PCDH15: variants seen among roughly 807,000 people sequenced by gnomAD.
The protein encoded by PCDH15 is protocadherin-15.
A neutral mutation model predicts 178.5 loss-of-function variants in PCDH15; 129 were observed. The observed-to-expected ratio is 0.72, with a 90% confidence interval of 0.63 to 0.84. The LOEUF (loss-of-function observed/expected upper bound fraction) is 0.84, where lower values mean the gene tolerates loss of function less well. Among genes scored for constraint, PCDH15 ranks in the 40% least tolerant of loss-of-function variants. The pLI is 0.00. For missense variants in PCDH15, 2,230 were observed against 2,099.9 expected (o/e 1.06, Z -1.21); for synonymous variants, 800 against 732.0 (o/e 1.09, Z -1.50).
chr10:53,995,732 G>A lies in PCDH15; in HGVS notation c.2785C>T (p.Arg929Ter), dbSNP rs1057516342. 10 of 1,613,582 alleles carry A rather than the reference G, an allele frequency of 6.2e-6. No homozygotes were observed. Among genetic ancestry groups the A allele is most frequent in the East Asian group, 2.2e-5 (1 of 44,858 alleles). Residue 929 changes from arginine to a stop codon, truncating the protein, a stop_gained, in exon 21 of 38, where the codon CGA (arginine) becomes TGA (stop). Coordinates refer to ENST00000644397, the MANE Select transcript of PCDH15 (RefSeq NM_001384140.1). LOFTEE classifies it high-confidence loss of function. The stretch of plus-strand genomic sequence containing the variant: ...GGAGCCACCATCCCTTTGTATATTC[G>A]TTTACTAAAGACAGGAGGATAATCA... ...MNDYPPVFSK[R>*]IYKGMVAPDA...
chr10:54,206,553 A>G (rs975714), intron 10 of PCDH15, among the ~76,000 whole-genome samples: 136,801 of 152,156 alleles, frequency 0.9, 61,665 homozygotes, highest in East Asian at 0.98. Flanking sequence ...TTTTTTGTCA[A>G]CCAAGAGAAA....
intron 3 of PCDH15, among the ~76,000 whole-genome samples, chr10:54,427,221 T>A (rs1197735812): frequency 6.6e-6 from 1 of 151,088 alleles, no homozygotes; most frequent in Non-Finnish European, 1.5e-5. Flanking sequence ...TTATCTTATT[T>A]CTCCTTATTT....
Position 54,950,494 on chromosome 10 carries a change from C to T in PCDH15, c.-79-52994G>A, listed in dbSNP as rs151288319. Among the ~76,000 whole-genome samples, 570 of 152,116 alleles carry T rather than the reference C, an allele frequency of 3.7e-3. 4 individuals are homozygous for T. The highest frequency in any genetic ancestry group is 6.4e-3 in the Non-Finnish European group (436 of 67,952). Reference sequence around the variant, plus strand: ...CTCTCACTTTGCCTGCTGCCATCCACGTAAGATGTAACTTGCTCCTCCTTT... The same window carrying T: ...CTCTCACTTTGCCTGCTGCCATCCATGTAAGATGTAACTTGCTCCTCCTTT... On this transcript the variant is annotated intron_variant, in intron 2 of 5. Transcript: ENST00000458638.
Position 55,005,226 on chromosome 10 carries a change from A to AATAATAATAATAATAATAATC in PCDH15, c.-79-107727_-79-107726insGATTATTATTATTATTATTAT, listed in dbSNP as rs34847205. On this transcript the variant is annotated intron_variant, in intron 2 of 5. Coordinates refer to the PCDH15 transcript ENST00000458638. ...GTCTCTAAATAATAATAATAATAAT[A>AATAATAATAATAATAATAATC]ATCAATGGAGCCTCTTGGTAGAATT... is the stretch of plus-strand genomic sequence containing the variant. 8.2e-3 allele frequency among the ~76,000 whole-genome samples: 1,198 copies of AATAATAATAATAATAATAATC among 146,518 alleles called. 12 individuals are homozygous for AATAATAATAATAATAATAATC. Among genetic ancestry groups the AATAATAATAATAATAATAATC allele is most frequent in the South Asian group, 0.019 (89 of 4,646 alleles).
At chr10:54,847,569 T>A (rs1027274491) in intron 3 of PCDH15, among the ~76,000 whole-genome samples, 1 of 152,130 alleles carries the variant, frequency 6.6e-6, no homozygotes, top group Non-Finnish European at 1.5e-5. Flanking sequence ...TGGAATTAAA[T>A]TGAATAATTT....
At chr10:55,426,236 G>A (rs1565126633) in intron 2 of PCDH15, among the ~76,000 whole-genome samples, 1 of 152,186 alleles carries the variant, frequency 6.6e-6, no homozygotes, top group Admixed American at 6.5e-5. Flanking sequence ...GGTGGGACTC[G>A]TGAAGGTAGT....
intron 2 of PCDH15, chr10:55,513,296 A>G (rs1399022632): frequency 6.6e-6 from 1 of 152,120 alleles, no homozygotes; most frequent in African/African-American, 2.4e-5. Context: ...TGACATCAAA[A>G]CTGCATTCTT....
intron 2 of PCDH15, among the ~76,000 whole-genome samples, chr10:54,994,952 A>G (rs2131921729): frequency 6.6e-6 from 1 of 152,346 alleles, no homozygotes; most frequent in Admixed American, 6.5e-5. Context: ...ATTAAAGTTT[A>G]TATCTTCTTT....
chr10:53,995,455 G>A (rs2091783395), intron 21 of PCDH15, 194 bp downstream of exon 21: 3 of 929,204 alleles, frequency 3.2e-6, no homozygotes, highest in African/African-American at 1.7e-5. Flanking sequence ...CATATTCTTT[G>A]TCTAGGTTCA....
chr10:55,086,969 G>C (rs1291543743), intron 2 of PCDH15, among the ~76,000 whole-genome samples: 7 of 151,898 alleles, frequency 4.6e-5, no homozygotes, highest in South Asian at 2.1e-4. Context: ...AATGGTTCAA[G>C]AATAAAAATG....
At chr10:54,147,460 T>C (rs539823068) in intron 14 of PCDH15, among the ~76,000 whole-genome samples, 41 of 152,006 alleles carry the variant, frequency 2.7e-4, no homozygotes, top group Admixed American at 7.2e-4. Flanking sequence ...ATAGACAATA[T>C]ATTATCCAGG....
chr10:53,808,349 TA>T, intron 37 of PCDH15: 1 of 667,126 alleles, frequency 1.5e-6, no homozygotes, highest in Non-Finnish European at 1.9e-6. Flanking sequence ...TATATATATA[TA>T]TATGCCATCC....
At chr10:55,413,399 CT>C (rs1838394392) in intron 2 of PCDH15, among the ~76,000 whole-genome samples, 1 of 151,438 alleles carries the variant, frequency 6.6e-6, no homozygotes, top group Non-Finnish European at 1.5e-5. Context: ...TTTTAAAGGA[CT>C]ATATAAGTGA....
At chr10:54,782,189 G>A (rs753543515) in intron 1 of PCDH15, among the ~76,000 whole-genome samples, 3 of 152,028 alleles carry the variant, frequency 2.0e-5, no homozygotes, top group Non-Finnish European at 2.9e-5. Flanking sequence ...CAGTGAAAAG[G>A]TAAATTTTGA....
intron 2 of PCDH15, among the ~76,000 whole-genome samples, chr10:55,024,854 T>G (rs981012325): frequency 6.6e-6 from 1 of 152,146 alleles, no homozygotes; most frequent in Non-Finnish European, 1.5e-5. Context: ...TAGATTGCAG[T>G]GACAACCTCT....
intron 15 of PCDH15, among the ~76,000 whole-genome samples, chr10:54,124,679 C>CCTAT (rs1564477077): frequency 1.3e-5 from 2 of 152,144 alleles, no homozygotes; most frequent in Non-Finnish European, 2.9e-5. Flanking sequence ...CGATGCAGTG[C>CCTAT]CTATGATTCA....
intron 31 of PCDH15, among the ~76,000 whole-genome samples, chr10:53,827,796 G>A (rs1233955442): frequency 6.6e-6 from 1 of 151,910 alleles, no homozygotes; most frequent in Non-Finnish European, 1.5e-5. Context: ...AGACATATTT[G>A]CAAATTAAAT....
At chr10:55,065,737 T>G (rs2132004931) in intron 2 of PCDH15, among the ~76,000 whole-genome samples, 1 of 152,138 alleles carries the variant, frequency 6.6e-6, no homozygotes, top group East Asian at 1.9e-4. Flanking sequence ...AAAGCTCCAT[T>G]AGAATAGTTA....
chr10:54,459,790 A>C (rs1269670633), intron 3 of PCDH15, among the ~76,000 whole-genome samples: 2 of 152,160 alleles, frequency 1.3e-5, no homozygotes, highest in Admixed American at 1.3e-4. Flanking sequence ...AAGTCACACA[A>C]GTTTAAAGCA....
Sources: allele counts gnomAD v4.1 joint callset (sites outside exome capture counted in the v4.1 genomes callset), GRCh38; gene constraint gnomAD v4.1.1; transcripts MANE v1.5; gene names NCBI Gene and HGNC (gene_info 2026-07-23, HGNC 2026-07-21).